The following GFRAL variants were observed in gnomAD, a reference collection of about 807,000 sequenced individuals.
GFRAL encodes the protein GDNF family receptor alpha like, also known as GDNF family receptor alpha-like.
A neutral mutation model predicts 45.4 loss-of-function variants in GFRAL; 36 were observed. That is an observed-to-expected ratio of 0.79 (90% CI 0.61 to 1.05). The LOEUF is 1.05. GFRAL is among the 50% of genes least tolerant of loss of function. The pLI is 0.00. For synonymous variants in GFRAL, 166 were observed against 154.1 expected (o/e 1.08, Z -0.57); for missense variants, 507 against 467.5 (o/e 1.08, Z -0.78).
intron 3 of GFRAL, among the ~76,000 whole-genome samples, chr6:55,341,716 A>G (rs1209589710): frequency 6.6e-6 from 1 of 152,192 alleles, no homozygotes; most frequent in African/African-American, 2.4e-5. Context: ...CAGATGATCA[A>G]ACTTCTCTGA....
rs756167974 is a variant in GFRAL at position 55,401,881 on chromosome 6, A to G, written c.*28A>G. 2 of 1,215,614 alleles carry G rather than the reference A, an allele frequency of 1.6e-6. No individual in the cohort carries two copies. Among genetic ancestry groups the G allele is most frequent in the East Asian group, 2.4e-5 (1 of 42,298 alleles). The allele number at this position is 1,215,614 out of a possible 1,614,324, so 75.3% of individuals were successfully genotyped here. On this transcript the variant is annotated 3_prime_UTR_variant, in exon 9 of 9. Coordinates refer to ENST00000340465, the MANE Select transcript of GFRAL (RefSeq NM_207410.2). ...CATTAGGAGTCATGGACCTATAACA[A>G]TCACTCTTTTCTCTGCTTTTCTTCT...
intron 3 of GFRAL, 73 bp downstream of exon 3, chr6:55,334,017 T>C (rs559510096): frequency 4.9e-5 from 42 of 854,590 alleles, no homozygotes; most frequent in African/African-American, 4.8e-4. Flanking sequence ...ACCACATCTA[T>C]GTAATGTGAT....
intron 5 of GFRAL, 138 bp from the exon 6 acceptor site, chr6:55,358,750 C>T (rs1768229845): frequency 2.8e-6 from 2 of 717,008 alleles, no homozygotes; most frequent in Non-Finnish European, 4.5e-6. Flanking sequence ...TTTTTCAAAT[C>T]ACAAATTTAC....
chr6:55,360,575 G>A (rs1179279175), intron 6 of GFRAL, among the ~76,000 whole-genome samples: 1 of 151,792 alleles, frequency 6.6e-6, no homozygotes, highest in Admixed American at 6.6e-5. Context: ...TTTTGATTTC[G>A]ACAGTGTTTT....
Position 55,358,918 on chromosome 6 carries a change from C to G in GFRAL, c.732C>G (p.Cys244Trp). The change falls in exon 6 of 9, where the codon TGC becomes TGG. Residue 244 changes from cysteine (C) to tryptophan (W), a missense_variant. Coordinates refer to ENST00000340465, the MANE Select transcript of GFRAL (RefSeq NM_207410.2). ...ACTATAGAACATTTCAGTCAAAATG[C>G]TGGCAGCGTGTGACTAGAAAGTGCC... ...RRHYRTFQSK[C>W]WQRVTRKCHE... 2 of 1,612,130 alleles carry G rather than the reference C, an allele frequency of 1.2e-6. No homozygotes were observed. Among genetic ancestry groups the G allele is most frequent in the Non-Finnish European group, 1.7e-6 (2 of 1,178,602 alleles).
Position 55,327,521 on chromosome 6 carries a change from T to C in GFRAL, c.-34T>C. On this transcript the variant is annotated 5_prime_UTR_variant, in exon 1 of 9. Transcript: ENST00000340465. ...GTTGTCAGAAGAAACGCATCTGCCT[T>C]TTTTTCCAGGTGAACTGCCGTGAGT... The C allele has an allele frequency of 6.2e-7, 1 of 1,611,998 alleles. No homozygotes were observed. The highest frequency in any genetic ancestry group is 2.2e-5 in the East Asian group (1 of 44,814).
chr6:55,346,007 G>C (rs1420215797), intron 3 of GFRAL, among the ~76,000 whole-genome samples: 4 of 152,292 alleles, frequency 2.6e-5, no homozygotes, highest in South Asian at 4.1e-4. Flanking sequence ...TCTCACACCA[G>C]TTAGAATGGC....
intron 1 of GFRAL, among the ~76,000 whole-genome samples, chr6:55,329,729 T>TG (rs1316255542): frequency 6.6e-6 from 1 of 152,068 alleles, no homozygotes; most frequent in Non-Finnish European, 1.5e-5. Flanking sequence ...AAGAAAAATG[T>TG]TACCAAGCTA....
At chr6:55,345,440 G>C (rs567841788) in intron 3 of GFRAL, among the ~76,000 whole-genome samples, 131 of 152,242 alleles carry the variant, frequency 8.6e-4, no homozygotes, top group African/African-American at 3.1e-3. Context: ...ACATGAAATC[G>C]GGAAAGGATT....
chr6:55,346,839 C>CA (rs1380412971), intron 3 of GFRAL, among the ~76,000 whole-genome samples: 2 of 74,254 alleles, frequency 2.7e-5, no homozygotes, highest in African/African-American at 4.1e-5. Flanking sequence ...AATCCCCCCC[C>CA]CCCAAAAAAA....
chr6:55,372,634 T>G (rs1768466187), intron 6 of GFRAL, among the ~76,000 whole-genome samples: 1 of 152,078 alleles, frequency 6.6e-6, no homozygotes, highest in Admixed American at 6.6e-5. Context: ...TAAAGGAGCA[T>G]TTTATGGTTC....
chr6:55,349,579 G>A (rs928240187), intron 3 of GFRAL, among the ~76,000 whole-genome samples: 1 of 151,922 alleles, frequency 6.6e-6, no homozygotes, highest in Non-Finnish European at 1.5e-5. Flanking sequence ...GATGAACACC[G>A]AGTTCATTTT....
chr6:55,397,524 CA>C (rs70986715), intron 6 of GFRAL, among the ~76,000 whole-genome samples: 3,878 of 67,070 alleles, frequency 0.058, 29 homozygotes, highest in South Asian at 0.17. Context: ...GACTCCGTCT[CA>C]AAAAAAAAAA....
chr6:55,341,036 T>A (rs1268395673), intron 3 of GFRAL, among the ~76,000 whole-genome samples: 2 of 152,150 alleles, frequency 1.3e-5, no homozygotes, highest in Non-Finnish European at 2.9e-5. Flanking sequence ...AAACTCAAAC[T>A]GGGTGGAGCC....
chr6:55,368,923 G>A (rs1422534931), intron 6 of GFRAL, among the ~76,000 whole-genome samples: 1 of 152,088 alleles, frequency 6.6e-6, no homozygotes, highest in Non-Finnish European at 1.5e-5. Context: ...CCCGGAGGTG[G>A]AGCCTACAGA....
chr6:55,359,407 G>T (rs1414341685), intron 6 of GFRAL, among the ~76,000 whole-genome samples: 2 of 152,058 alleles, frequency 1.3e-5, no homozygotes, highest in East Asian at 1.9e-4. Context: ...AGCATAGAAG[G>T]TTTATTCTAT....
At chr6:55,334,094 T>C (rs966839268) in intron 3 of GFRAL, 150 bp downstream of exon 3, 1 of 548,304 alleles carries the variant, frequency 1.8e-6, no homozygotes, top group Non-Finnish European at 3.1e-6. Context: ...TGTTGGTATA[T>C]AGTAGGTGTA....
chr6:55,399,409 T>A lies in GFRAL; in HGVS notation c.1089T>A (p.Cys363Ter), dbSNP rs142349780. 149 of 1,611,684 alleles carry A rather than the reference T, an allele frequency of 9.2e-5. No individual in the cohort carries two copies. The highest frequency in any genetic ancestry group is 1.2e-4 in the Non-Finnish European group (141 of 1,177,982). Residue 363 changes from cysteine to a stop codon, truncating the protein, a stop_gained, in exon 8 of 9, where the codon TGT becomes TGA. Coordinates refer to ENST00000340465, the MANE Select transcript of GFRAL (RefSeq NM_207410.2). LOFTEE classifies it high-confidence loss of function. Reference protein sequence around the residue: ...IYAAMCMTVTCGILLLVMVKL... With the variant: ...IYAAMCMTVT ...CTGCCATGTGCATGACAGTCACCTGTGGAATCCTTCTGTTGGTTATGGTCA... is the reference window on the plus strand; with the variant it reads ...CTGCCATGTGCATGACAGTCACCTGAGGAATCCTTCTGTTGGTTATGGTCA...
At chr6:55,353,894 A>G (rs962651359) in intron 5 of GFRAL, among the ~76,000 whole-genome samples, 4 of 152,068 alleles carry the variant, frequency 2.6e-5, no homozygotes, top group Non-Finnish European at 5.9e-5. Context: ...TTCTCACCTC[A>G]AATGAACTAA....
Sources: gnomAD v4.1 joint callset for allele counts (sites outside exome capture counted in the v4.1 genomes callset) on GRCh38, gnomAD v4.1.1 for gene constraint, MANE v1.5 for transcripts, NCBI Gene and HGNC (gene_info 2026-07-23, HGNC 2026-07-21) for gene names.